The following RAB9B variants were observed in gnomAD, a reference collection of about 807,000 sequenced individuals.
RAB9B encodes the protein RAB9B, member RAS oncogene family, also known as ras-related protein Rab-9B.
In RAB9B, 1 loss-of-function variant was observed where a neutral mutation model predicts 8.9. That is an observed-to-expected ratio of 0.11 (90% CI 0.04 to 0.53). RAB9B has a LOEUF of 0.53. RAB9B is among the 20% of genes least tolerant of loss of function. The pLI, the probability that RAB9B is intolerant of heterozygous loss-of-function variation, is 0.93. For synonymous variants in RAB9B, 63 were observed against 57.0 expected, an observed-to-expected ratio of 1.10 and a Z score of -0.47; for missense variants, 82 against 152.9, an observed-to-expected ratio of 0.54 and a Z score of 2.45.
the RAB9B span, chrX:103,788,074 A>C: frequency 3.2e-6 from 2 of 619,155 alleles, no homozygotes; most frequent in Non-Finnish European, 5.4e-6. Context: ...AAAATATAAG[A>C]TGATGAATGA....
chrX:103,781,429 C>T, the RAB9B span: 5 of 226,694 alleles, frequency 2.2e-5, no homozygotes, highest in Admixed American at 1.7e-4. Context: ...AGTTTGTATA[C>T]AAATGTAGCC....
chrX:103,796,723 G>A, the RAB9B span, among the ~76,000 whole-genome samples: 1 of 108,515 alleles, frequency 9.2e-6, no homozygotes, highest in African/African-American at 3.4e-5. Context: ...TCAGCTGACT[G>A]GCAAAGCTGC....
chrX:103,784,626 A>G, the RAB9B span, among the ~76,000 whole-genome samples: 1 of 111,980 alleles, frequency 8.9e-6, no homozygotes, highest in Admixed American at 9.5e-5. Flanking sequence ...TCCAATTTCC[A>G]AAGTTTCCTC....
chrX:103,828,937 C>A (rs943682478), intron 1 of RAB9B, among the ~76,000 whole-genome samples: 14 of 111,941 alleles, frequency 1.3e-4, no homozygotes, highest in African/African-American at 4.2e-4. Flanking sequence ...TGAACTTGGG[C>A]AGGTCATTTA....
At chrX:103,804,771 C>T in the RAB9B span, among the ~76,000 whole-genome samples, 6 of 111,508 alleles carry the variant, frequency 5.4e-5, no homozygotes, top group African/African-American at 2.0e-4. Context: ...ATTTTTGATG[C>T]TATTATAAAT....
chrX:103,785,446 C>A, the RAB9B span: 2 of 544,737 alleles, frequency 3.7e-6, no homozygotes, highest in African/African-American at 2.3e-5. Flanking sequence ...AAGCCAAAAC[C>A]TCTAGCCGCT....
At chrX:103,813,143 G>A in the RAB9B span, among the ~76,000 whole-genome samples, 1 of 109,214 alleles carries the variant, frequency 9.2e-6, no homozygotes, top group Non-Finnish European at 1.9e-5. Context: ...GGATGGTCTC[G>A]ATCTCCTCAT....
At chrX:103,803,085 T>C in the RAB9B span, among the ~76,000 whole-genome samples, 1 of 112,240 alleles carries the variant, frequency 8.9e-6, no homozygotes, top group Non-Finnish European at 1.9e-5. Flanking sequence ...ACACATTTTG[T>C]TTATCTATTC....
intron 1 of RAB9B, among the ~76,000 whole-genome samples, chrX:103,831,514 C>A (rs950052342): frequency 2.4e-4 from 23 of 97,390 alleles, no homozygotes; most frequent in Non-Finnish European, 1.4e-4. Flanking sequence ...CCCAAAGGCA[C>A]ACTAGATAGC....
At chrX:103,795,374 C>A in the RAB9B span, among the ~76,000 whole-genome samples, 1 of 111,543 alleles carries the variant, frequency 9.0e-6, no homozygotes, top group Admixed American at 9.5e-5. Flanking sequence ...GGAAAGTCAC[C>A]CAGCTCTAGG....
chrX:103,796,186 TTGTC>T, the RAB9B span, among the ~76,000 whole-genome samples: 1 of 112,512 alleles, frequency 8.9e-6, no homozygotes, highest in Non-Finnish European at 1.9e-5. Flanking sequence ...TTCAAAATAA[TTGTC>T]TGGGCAGGGC....
intron 2 of RAB9B, 86 bp downstream of exon 2, chrX:103,826,919 G>C (rs2074685448): frequency 9.0e-6 from 1 of 111,286 alleles, no homozygotes; most frequent in Non-Finnish European, 1.9e-5. Flanking sequence ...CTATGTACTA[G>C]CTATATATTT....
the RAB9B span, among the ~76,000 whole-genome samples, chrX:103,810,284 CTT>C: frequency 1.8e-5 from 2 of 111,474 alleles, no homozygotes; most frequent in Non-Finnish European, 3.8e-5. Flanking sequence ...TTTCCAAACT[CTT>C]TTGTCTTAGC....
chrX:103,829,947 C>T (rs1274335351), intron 1 of RAB9B, among the ~76,000 whole-genome samples: 1 of 111,216 alleles, frequency 9.0e-6, no homozygotes, highest in Admixed American at 9.6e-5. Flanking sequence ...TGAATTGATG[C>T]CAAGGTACAA....
At chrX:103,805,592 G>C in the RAB9B span, among the ~76,000 whole-genome samples, 11 of 111,700 alleles carry the variant, frequency 9.8e-5, no homozygotes, top group East Asian at 5.6e-4. Context: ...CAGTTAAGCT[G>C]TCTGGTCCTG....
At chrX:103,802,586 T>C in the RAB9B span, among the ~76,000 whole-genome samples, 1 of 112,124 alleles carries the variant, frequency 8.9e-6, no homozygotes, top group East Asian at 2.8e-4. Context: ...CTGCTTTTCT[T>C]TGCAGTTACA....
chrX:103,827,486 G>A (rs1016905591), intron 1 of RAB9B, among the ~76,000 whole-genome samples: 3 of 111,026 alleles, frequency 2.7e-5, no homozygotes, highest in Non-Finnish European at 3.8e-5. Flanking sequence ...ACCTACCAAC[G>A]TTCCCATCTC....
chrX:103,811,657 A>G, the RAB9B span, among the ~76,000 whole-genome samples: 1 of 111,098 alleles, frequency 9.0e-6, no homozygotes, highest in Non-Finnish European at 1.9e-5. Flanking sequence ...TAGTATATAC[A>G]AAAAAATTAC....
the RAB9B span, among the ~76,000 whole-genome samples, chrX:103,785,179 A>G: frequency 9.0e-6 from 1 of 110,888 alleles, no homozygotes; most frequent in Admixed American, 9.5e-5. Flanking sequence ...CCTGGGTTTA[A>G]CAGATTCTCC....
Sources: allele counts gnomAD v4.1 joint callset (sites outside exome capture counted in the v4.1 genomes callset), GRCh38; gene constraint gnomAD v4.1.1; transcripts MANE v1.5; gene names NCBI Gene and HGNC (gene_info 2026-07-23, HGNC 2026-07-21).